ACSL4: variants seen among roughly 807,000 people sequenced by gnomAD.
ACSL4 encodes long-chain-fatty-acid--CoA ligase 4.
A neutral mutation model predicts 49.1 loss-of-function variants in ACSL4; 9 were observed. The observed-to-expected ratio is 0.18, with a 90% CI of 0.11 to 0.32. The LOEUF (loss-of-function observed/expected upper bound fraction) is 0.32. ACSL4 is among the 10% of genes least tolerant of loss of function. The pLI, the probability that ACSL4 is intolerant of heterozygous loss-of-function variation, is 1.00. For missense variants in ACSL4, 333 were observed against 493.7 expected, an observed-to-expected ratio of 0.67 and a Z score of 3.08; for synonymous variants, 191 against 170.3, an observed-to-expected ratio of 1.12 and a Z score of -0.95.
intron 1 of ACSL4, among the ~76,000 whole-genome samples, chrX:109,697,362 A>G (rs762473471): frequency 3.6e-5 from 4 of 111,265 alleles, no homozygotes; most frequent in South Asian, 3.8e-4. Flanking sequence ...GGTTTTTTTT[A>G]GTCTAGACGC....
intron 9 of ACSL4, among the ~76,000 whole-genome samples, chrX:109,671,095 G>C (rs1189170686): frequency 9.0e-6 from 1 of 110,773 alleles, no homozygotes; most frequent in Non-Finnish European, 1.9e-5. Context: ...CATCGTCTGG[G>C]ATGTGAGGAG....
intron 1 of ACSL4, among the ~76,000 whole-genome samples, chrX:109,717,691 T>C (rs1232024964): frequency 9.0e-6 from 1 of 110,597 alleles, no homozygotes; most frequent in Admixed American, 9.6e-5. Context: ...GGGAAAAAAA[T>C]GGTCTGGCAA....
rs1022263227 is a variant in ACSL4 at position 109,663,143 on chromosome X, A to G, written c.1582+68T>C. On this transcript the variant is annotated intron_variant, in intron 13 of 15. Transcript: ENST00000672401. ...CCATCAACTTTATTAATGACTGATC[A>G]ATATTACCTTTCATATATACTGAAG... The G allele has an allele frequency of 9.4e-6, 9 of 953,003 alleles. No homozygotes were observed. The African/African-American group carries it at 1.8e-4, about 19-fold the overall frequency. 78.5% of individuals were successfully genotyped at this position (953,003 alleles called of 1,213,427 possible).
At chrX:109,655,098 G>A (rs1260282208) in intron 15 of ACSL4, among the ~76,000 whole-genome samples, 1 of 111,484 alleles carries the variant, frequency 9.0e-6, no homozygotes, top group East Asian at 2.8e-4. Flanking sequence ...CACTAACGTT[G>A]GAATGCCTTT....
chrX:109,713,690 G>T (rs1374339979), intron 1 of ACSL4, among the ~76,000 whole-genome samples: 1 of 111,767 alleles, frequency 8.9e-6, no homozygotes, highest in African/African-American at 3.3e-5. Flanking sequence ...TGTTAGGGGG[G>T]AAAAGATTGA....
At chrX:109,699,464 T>A (rs966323629) in intron 1 of ACSL4, among the ~76,000 whole-genome samples, 1 of 112,649 alleles carries the variant, frequency 8.9e-6, no homozygotes, top group East Asian at 2.8e-4. Context: ...CCTTGATAGG[T>A]CTTATTTTAG....
rs760839777 is a variant in ACSL4, at chrX:109,657,652, C to A, written c.1855+1702G>T. Among the ~76,000 whole-genome samples the A allele has an allele frequency of 2.7e-4, 30 of 111,223 alleles. No individual in the cohort carries two copies. In the South Asian group the frequency reaches 0.011, roughly 40 times the overall value. On this transcript the variant is annotated intron_variant, in intron 15 of 15. Coordinates refer to ENST00000672401, the MANE Select transcript of ACSL4 (RefSeq NM_001318510.2). Reference sequence around the variant, plus strand: ...TCTGGGTTGGTTCCAAGTCTTTGCTCTTGTGAATAGTGCTGCAATAAACAT... The same window carrying A: ...TCTGGGTTGGTTCCAAGTCTTTGCTATTGTGAATAGTGCTGCAATAAACAT...
At chrX:109,646,653 T>G (rs1257480334) in intron 15 of ACSL4, among the ~76,000 whole-genome samples, 1 of 109,303 alleles carries the variant, frequency 9.1e-6, no homozygotes, top group Non-Finnish European at 1.9e-5. Flanking sequence ...AATGACAGGA[T>G]CAAATTCACA....
chrX:109,724,103 T>C (rs1927771700), intron 1 of ACSL4, among the ~76,000 whole-genome samples: 1 of 112,050 alleles, frequency 8.9e-6, no homozygotes, highest in African/African-American at 3.2e-5. Flanking sequence ...TTTTATCTAA[T>C]GTGATTTAGA....
intron 1 of ACSL4, among the ~76,000 whole-genome samples, chrX:109,725,488 T>A (rs994602136): frequency 9.0e-6 from 1 of 111,322 alleles, no homozygotes; most frequent in African/African-American, 3.3e-5. Flanking sequence ...AGATGGCTGG[T>A]GCGGTGGCTC....
chrX:109,711,326 T>C (rs1023328983), intron 1 of ACSL4, among the ~76,000 whole-genome samples: 11 of 112,161 alleles, frequency 9.8e-5, no homozygotes, highest in Middle Eastern at 4.6e-3. Context: ...TTCCATTTAC[T>C]AAGGAAGACT....
intron 1 of ACSL4, among the ~76,000 whole-genome samples, chrX:109,712,620 A>G (rs1285297910): frequency 8.9e-6 from 1 of 112,343 alleles, no homozygotes; most frequent in Non-Finnish European, 1.9e-5. Flanking sequence ...CGTAAGTGCC[A>G]GTGGCATAGG....
chrX:109,683,958 A>G (rs1022184817), intron 2 of ACSL4, among the ~76,000 whole-genome samples: 1 of 112,145 alleles, frequency 8.9e-6, no homozygotes, highest in African/African-American at 3.2e-5. Flanking sequence ...TGTGAGTTGA[A>G]TAACAACCTT....
At chrX:109,723,544 T>C (rs1476830887) in intron 1 of ACSL4, among the ~76,000 whole-genome samples, 8 of 111,962 alleles carry the variant, frequency 7.1e-5, no homozygotes, top group African/African-American at 2.6e-4. Flanking sequence ...TGTATATATA[T>C]GTCTAACCAA....
intron 1 of ACSL4, among the ~76,000 whole-genome samples, chrX:109,717,199 A>AT (rs1159386250): frequency 9.1e-6 from 1 of 109,739 alleles, no homozygotes; most frequent in African/African-American, 3.3e-5. Context: ...TACAAGCCTG[A>AT]TTTTTTTTTA....
chrX:109,647,851 G>A (rs868845064), intron 15 of ACSL4, among the ~76,000 whole-genome samples: 6 of 110,794 alleles, frequency 5.4e-5, no homozygotes, highest in African/African-American at 1.3e-4. Context: ...TATCACCACC[G>A]ATCCCACAGA....
chrX:109,701,383 A>G (rs1925917233), intron 1 of ACSL4, among the ~76,000 whole-genome samples: 1 of 107,763 alleles, frequency 9.3e-6, no homozygotes. Context: ...CACGCCGCTA[A>G]TTTTTGTATT....
intron 14 of ACSL4, 34 bp downstream of exon 14, chrX:109,661,497 T>A (rs750081884): frequency 5.8e-6 from 6 of 1,031,490 alleles, no homozygotes; most frequent in East Asian, 3.0e-5. Flanking sequence ...ATCTTTTGAC[T>A]TACGAAACAA....
chrX:109,712,166 G>A (rs955418756), intron 1 of ACSL4, among the ~76,000 whole-genome samples: 3 of 111,163 alleles, frequency 2.7e-5, no homozygotes, highest in African/African-American at 9.8e-5. Flanking sequence ...TGGCACAATC[G>A]CAGCTCACTG....
Sources: gnomAD v4.1 joint callset for allele counts (sites outside exome capture counted in the v4.1 genomes callset) on GRCh38, gnomAD v4.1.1 for gene constraint, MANE v1.5 for transcripts, NCBI Gene and HGNC (gene_info 2026-07-23, HGNC 2026-07-21) for gene names.